The following SPRY3 variants were observed in gnomAD, a reference collection of about 807,000 sequenced individuals.
SPRY3 encodes the protein protein sprouty homolog 3.
A neutral mutation model predicts 20.2 loss-of-function variants in SPRY3; 15 were observed. The ratio of observed to expected loss-of-function variants is 0.74; its 90% CI spans 0.50 to 1.14. The LOEUF is 1.14. Among genes scored for constraint, SPRY3 ranks in the 50% most tolerant of loss-of-function variants. SPRY3 has a pLI of 0.00. For missense variants in SPRY3, 364 were observed against 363.9 expected (o/e 1.00, Z 0.00); for synonymous variants, 143 against 136.5 (o/e 1.05, Z -0.33).
At chrX:155,671,536 GAGCAGAT>G (rs1177691983) in intron 2 of SPRY3, among the ~76,000 whole-genome samples, 1 of 111,048 alleles carries the variant, frequency 9.0e-6, no homozygotes, top group Non-Finnish European at 1.9e-5. Flanking sequence ...CATTTGTTTT[GAGCAGAT>G]AGCCATAGTG....
At chrX:155,713,765 T>C (rs1472767651) in intron 2 of SPRY3, among the ~76,000 whole-genome samples, 1 of 140,548 alleles carries the variant, frequency 7.1e-6, no homozygotes, top group Non-Finnish European at 1.5e-5. Flanking sequence ...TCATATAATG[T>C]CTTTGAAAAA....
intron 1 of SPRY3, among the ~76,000 whole-genome samples, chrX:155,639,892 G>T (rs1478657952): frequency 2.7e-5 from 3 of 111,972 alleles, no homozygotes; most frequent in Non-Finnish European, 3.8e-5. Context: ...TTGGGTTTTT[G>T]ATAATAGCCA....
intron 2 of SPRY3, among the ~76,000 whole-genome samples, chrX:155,762,757 G>T (rs1205671317): frequency 6.6e-6 from 1 of 152,016 alleles, no homozygotes; most frequent in African/African-American, 2.4e-5. Flanking sequence ...ACTGTTGGTG[G>T]GAATATAAAT....
chrX:155,751,924 G>GAAATAAATAAAATA (rs1198863459), intron 2 of SPRY3, among the ~76,000 whole-genome samples: 1 of 121,662 alleles, frequency 8.2e-6, no homozygotes, highest in Non-Finnish European at 1.8e-5. Context: ...CAAGGGAAGG[G>GAAATAAATAAAATA]AAATAAAATA....
At chrX:155,755,068 G>T (rs758574791) in intron 2 of SPRY3, among the ~76,000 whole-genome samples, 224 of 144,090 alleles carry the variant, frequency 1.6e-3, no homozygotes, top group African/African-American at 5.9e-3. Context: ...ACACGTGCGT[G>T]CACACACACA....
At chrX:155,648,827 T>A in intron 1 of SPRY3, among the ~76,000 whole-genome samples, 1 of 111,180 alleles carries the variant, frequency 9.0e-6, no homozygotes. Context: ...AATCAGTGAA[T>A]CCAGGCGCTG....
intron 1 of SPRY3, among the ~76,000 whole-genome samples, chrX:155,644,471 C>T (rs1157516345): frequency 9.0e-6 from 1 of 110,795 alleles, no homozygotes; most frequent in Non-Finnish European, 1.9e-5. Flanking sequence ...AGGTACCATC[C>T]AGGAGCCAGG....
In SPRY3 at chrX:155,634,286, A is replaced by C. The variant is rs2067916693; in HGVS notation, c.-441+21639A>C. ...CTGCGTAGGATAGCCTCTATTAAGG[A>C]GTAGTAAATGATTTTTCCTCACTGA... On this transcript the variant is annotated intron_variant, in intron 1 of 3. Coordinates refer to ENST00000675360, the Ensembl canonical transcript of SPRY3. 2.7e-5 allele frequency among the ~76,000 whole-genome samples: 3 copies of C among 111,333 alleles called. No homozygotes were observed. The Admixed American group carries it at 2.9e-4, about 11-fold the overall frequency.
chrX:155,640,398 A>T lies in SPRY3; in HGVS notation c.-440-16469A>T, dbSNP rs184979410. ...CCATAAGTGTACATCATCTATTTGC[A>T]AGATTAATTGTCTGTCTGAAATGGT... On this transcript the variant is annotated intron_variant, in intron 1 of 3. Coordinates refer to ENST00000675360, the Ensembl canonical transcript of SPRY3. 3.6e-5 allele frequency among the ~76,000 whole-genome samples: 4 copies of T among 112,666 alleles called. No homozygotes were observed. The East Asian group carries it at 1.1e-3, about 31-fold the overall frequency.
intron 1 of SPRY3, among the ~76,000 whole-genome samples, chrX:155,614,016 T>A (rs1279439387): frequency 8.9e-6 from 1 of 112,118 alleles, no homozygotes; most frequent in Admixed American, 9.5e-5. Context: ...AAAAAATTTC[T>A]AGAACCAGTG....
At chrX:155,632,756 T>C (rs782230704) in intron 1 of SPRY3, among the ~76,000 whole-genome samples, 1 of 112,026 alleles carries the variant, frequency 8.9e-6, no homozygotes, top group Non-Finnish European at 1.9e-5. Flanking sequence ...CATGGGGAAA[T>C]ATATTCTACC....
intron 2 of SPRY3, among the ~76,000 whole-genome samples, chrX:155,712,984 T>G (rs2090997377): frequency 6.6e-6 from 1 of 152,036 alleles, no homozygotes; most frequent in South Asian, 2.1e-4. Context: ...CACTTTAACT[T>G]CATCCCCTTG....
intron 2 of SPRY3, among the ~76,000 whole-genome samples, chrX:155,663,075 C>G (rs782503275): frequency 8.9e-6 from 1 of 112,216 alleles, no homozygotes; most frequent in African/African-American, 3.2e-5. Flanking sequence ...AAAAACTGCT[C>G]AGAGAAATGT....
At chrX:155,716,402 G>A (rs1036595894) in intron 2 of SPRY3, among the ~76,000 whole-genome samples, 1 of 151,924 alleles carries the variant, frequency 6.6e-6, no homozygotes, top group African/African-American at 2.4e-5. Context: ...TTTAAAGATT[G>A]CTTCCTTCAA....
intron 2 of SPRY3, among the ~76,000 whole-genome samples, chrX:155,728,503 C>G (rs1409571403): frequency 2.0e-5 from 3 of 152,022 alleles, no homozygotes; most frequent in East Asian, 3.9e-4. Context: ...TTTAACTATT[C>G]AAGCCTCAGC....
chrX:155,668,387 T>G (rs782120340), intron 2 of SPRY3, among the ~76,000 whole-genome samples: 1 of 111,000 alleles, frequency 9.0e-6, no homozygotes, highest in South Asian at 3.8e-4. Flanking sequence ...AAAGTCTGAA[T>G]AGGGGTTACC....
chrX:155,752,469 C>A (rs1362637814), intron 2 of SPRY3, among the ~76,000 whole-genome samples: 1 of 151,176 alleles, frequency 6.6e-6, no homozygotes, highest in Non-Finnish European at 1.5e-5. Context: ...AGACCAATGG[C>A]AAAGTGATAA....
At chrX:155,632,399 T>G (rs2067909592) in intron 1 of SPRY3, among the ~76,000 whole-genome samples, 2 of 111,288 alleles carry the variant, frequency 1.8e-5, no homozygotes, top group African/African-American at 6.5e-5. Flanking sequence ...AAAAAAACAT[T>G]TATTTAGATC....
chrX:155,769,340 CAG>C (rs1165377828), intron 3 of SPRY3, among the ~76,000 whole-genome samples: 6 of 152,182 alleles, frequency 3.9e-5, no homozygotes, highest in Admixed American at 3.9e-4. Flanking sequence ...ACTTTTGAAA[CAG>C]AGAAATGCAA....
Sources: gnomAD v4.1 joint callset for allele counts (sites outside exome capture counted in the v4.1 genomes callset) on GRCh38, gnomAD v4.1.1 for gene constraint, MANE v1.5 for transcripts, NCBI Gene and HGNC (gene_info 2026-07-23, HGNC 2026-07-21) for gene names.